NF1: variants seen among roughly 807,000 people sequenced by gnomAD.
NF1 encodes neurofibromin.
Under a neutral mutation model 325.7 loss-of-function variants are expected in NF1, and 122 were observed. The ratio of observed to expected loss-of-function variants is 0.37; its 90% confidence interval spans 0.32 to 0.44. The LOEUF (loss-of-function observed/expected upper bound fraction) is 0.44. Ranked by LOEUF, NF1 falls within the 20% of genes least tolerant of loss-of-function variation. NF1 has a pLI of 1.00. For synonymous variants in NF1, 1,091 were observed against 1,186.0 expected, an observed-to-expected ratio of 0.92 and a Z score of 1.65; for missense variants, 2,140 against 3,415.4, an observed-to-expected ratio of 0.63 and a Z score of 9.31.
At chr17:31,121,736 A>G (rs1274522146) in intron 1 of NF1, among the ~76,000 whole-genome samples, 1 of 152,118 alleles carries the variant, frequency 6.6e-6, no homozygotes, top group African/African-American at 2.4e-5. Flanking sequence ...TTATTGATTT[A>G]CATATGTTGA....
chr17:31,286,278 A>G (rs1255455567), intron 36 of NF1, among the ~76,000 whole-genome samples: 1 of 152,080 alleles, frequency 6.6e-6, no homozygotes, highest in East Asian at 1.9e-4. Context: ...TATTTTTAGT[A>G]GAGACAGGGT....
chr17:31,191,535 A>T (rs2066342607), intron 8 of NF1, among the ~76,000 whole-genome samples: 1 of 152,206 alleles, frequency 6.6e-6, no homozygotes, highest in Admixed American at 6.5e-5. Flanking sequence ...GAGATGACAT[A>T]CTATATGATT....
intron 36 of NF1, among the ~76,000 whole-genome samples, chr17:31,308,433 G>C (rs1302309982): frequency 6.6e-6 from 1 of 152,058 alleles, no homozygotes; most frequent in Non-Finnish European, 1.5e-5. Flanking sequence ...GAGCCACCAC[G>C]CCTGGCCTGT....
chr17:31,225,024 A>G, intron 16 of NF1, 71 bp from the exon 17 acceptor site: 1 of 1,553,046 alleles, frequency 6.4e-7, no homozygotes, highest in Non-Finnish European at 8.8e-7. Flanking sequence ...ACAGGAAGAC[A>G]ACTCAAATAA....
At chr17:31,177,179 C>T (rs1055080360) in intron 5 of NF1, among the ~76,000 whole-genome samples, 16 of 152,110 alleles carry the variant, frequency 1.1e-4, no homozygotes, top group Non-Finnish European at 1.5e-4. Flanking sequence ...CTCTGGCTGG[C>T]ATCTGGCAGG....
intron 36 of NF1, among the ~76,000 whole-genome samples, chr17:31,280,694 G>A (rs530776650): frequency 2.6e-5 from 4 of 151,898 alleles, no homozygotes; most frequent in East Asian, 1.9e-4. Flanking sequence ...ATTTTACCCC[G>A]GTGTAAGATT....
intron 30 of NF1, chr17:31,251,817 A>G: frequency 4.8e-6 from 1 of 210,462 alleles, no homozygotes; most frequent in Non-Finnish European, 9.7e-6. Flanking sequence ...ATGGTATTTG[A>G]CCTGTAGGTA....
chr17:31,211,903 T>C (rs2066734708), intron 12 of NF1, among the ~76,000 whole-genome samples: 1 of 152,180 alleles, frequency 6.6e-6, no homozygotes, highest in South Asian at 2.1e-4. Context: ...TTAATACTTT[T>C]GCATTTTTCT....
At chr17:31,170,212 A>G (rs548984970) in intron 5 of NF1, among the ~76,000 whole-genome samples, 1 of 152,326 alleles carries the variant, frequency 6.6e-6, no homozygotes, top group Non-Finnish European at 1.5e-5. Flanking sequence ...AATCTTGGCA[A>G]TGGAAAGTTT....
chr17:31,260,545 A>G (rs904786858), intron 34 of NF1, 30 bp downstream of exon 34: 1 of 1,611,086 alleles, frequency 6.2e-7, no homozygotes, highest in Non-Finnish European at 8.5e-7. Context: ...GGGATAGTGA[A>G]CACTCTCCGT....
intron 46 of NF1, among the ~76,000 whole-genome samples, 161 bp downstream of exon 46, chr17:31,338,966 CAT>C (rs2069752620): frequency 6.6e-6 from 1 of 152,084 alleles, no homozygotes; most frequent in Admixed American, 6.5e-5. Flanking sequence ...TTGAAGTAGT[CAT>C]ATTAGAAGAA....
intron 54 of NF1, 92 bp from the exon 55 acceptor site, chr17:31,358,388 T>C: frequency 1.5e-6 from 2 of 1,330,500 alleles, no homozygotes; most frequent in Non-Finnish European, 1.1e-6. Context: ...TTTGGCACAT[T>C]ATTCTGGGGA....
intron 50 of NF1, 26 bp downstream of exon 50, chr17:31,350,344 T>C (rs1567624138): frequency 3.1e-6 from 5 of 1,598,306 alleles, no homozygotes; most frequent in South Asian, 1.1e-5. Context: ...CTCCTATAAT[T>C]ACATAATCAT....
intron 39 of NF1, among the ~76,000 whole-genome samples, chr17:31,334,348 A>T (rs2069586125): frequency 6.6e-6 from 1 of 152,168 alleles, no homozygotes. Flanking sequence ...AAATATTCAG[A>T]GCCTACTGCA....
In NF1 at chr17:31,235,785, C is replaced by A; in HGVS notation, c.3870+13C>A. Reference sequence around the variant, plus strand: ...ATTCTGTTTCAAGGTTTGTATCATTCATTTTGTGTGTATGTGTGTGCTGAG... The same window carrying A: ...ATTCTGTTTCAAGGTTTGTATCATTAATTTTGTGTGTATGTGTGTGCTGAG... On this transcript the variant is annotated intron_variant, in intron 28 of 57. Transcript: ENST00000358273. 6.2e-7 allele frequency: 1 copy of A among 1,613,954 alleles called. No individual in the cohort carries two copies. The highest frequency in any genetic ancestry group is 1.7e-5 in the Admixed American group (1 of 60,024).
intron 29 of NF1, among the ~76,000 whole-genome samples, chr17:31,237,377 C>T (rs970385354): frequency 3.9e-5 from 6 of 152,142 alleles, no homozygotes; most frequent in Admixed American, 6.5e-5. Context: ...AGGACTCAAG[C>T]GATTCTCCCA....
Position 31,326,210 on chromosome 17 carries a change from T to C in NF1, c.5226T>C (p.Asn1742=), listed in dbSNP as rs1597830255. The change falls in exon 37 of 58, where the codon AAT becomes AAC. Residue 1742 remains asparagine (N), a synonymous_variant. Coordinates refer to ENST00000358273, the MANE Select transcript of NF1 (RefSeq NM_001042492.3). ...AAGAGGACCTGAAGGTATTCCACAA[T>C]GCTCTCAAGCTAGCTCACAAAGACA... is the stretch of plus-strand genomic sequence containing the variant. ...ALEEDLKVFH[N]ALKLAHKDTK... is the part of the protein sequence containing the mutation. The C allele has an allele frequency of 6.2e-7, 1 of 1,612,678 alleles. No homozygotes were observed. The highest frequency in any genetic ancestry group is 1.1e-5 in the South Asian group (1 of 91,084).
At chr17:31,369,688 C>T (rs2070596045) in intron 57 of NF1, among the ~76,000 whole-genome samples, 1 of 152,206 alleles carries the variant, frequency 6.6e-6, no homozygotes, top group African/African-American at 2.4e-5. Flanking sequence ...AAAAGAAGTG[C>T]AGCACCAAGG....
intron 29 of NF1, among the ~76,000 whole-genome samples, chr17:31,245,644 A>G (rs2067376231): frequency 6.6e-6 from 1 of 152,204 alleles, no homozygotes; most frequent in Non-Finnish European, 1.5e-5. Context: ...ATGAACAGCC[A>G]GATGGAAAAG....
Sources: allele counts gnomAD v4.1 joint callset (sites outside exome capture counted in the v4.1 genomes callset), GRCh38; gene constraint gnomAD v4.1.1; transcripts MANE v1.5; gene names NCBI Gene and HGNC (gene_info 2026-07-23, HGNC 2026-07-21).